The following MPPED1 variants were observed in gnomAD, a reference collection of about 807,000 sequenced individuals.
MPPED1 encodes the protein metallophosphoesterase domain containing 1.
A neutral mutation model predicts 36.2 loss-of-function variants in MPPED1; 16 were observed. That is an observed-to-expected ratio of 0.44 (90% CI 0.30 to 0.67). MPPED1 has a LOEUF of 0.67. MPPED1 is among the 30% of genes least tolerant of loss of function. The pLI, the probability that MPPED1 is intolerant of heterozygous loss-of-function variation, is 0.10. For missense variants in MPPED1, 307 were observed against 453.4 expected (o/e 0.68, Z 2.93); for synonymous variants, 199 against 191.3 (o/e 1.04, Z -0.33).
intron 4 of MPPED1, among the ~76,000 whole-genome samples, chr22:43,492,427 A>G (rs1469519250): frequency 6.6e-6 from 1 of 152,066 alleles, no homozygotes; most frequent in East Asian, 1.9e-4. Flanking sequence ...GACGGTGCCC[A>G]CTAATGGGAT....
In MPPED1 at chr22:43,449,599, C is replaced by T. The variant is rs936871404; in HGVS notation, c.406+14384C>T. Among the ~76,000 whole-genome samples, 5 of 152,240 alleles carry T rather than the reference C, an allele frequency of 3.3e-5. No homozygotes were observed. In the East Asian group the frequency reaches 7.7e-4, roughly 24 times the overall value. On this transcript the variant is annotated intron_variant, in intron 3 of 6. Transcript: ENST00000443721. ...TCGATCCCCTGCTCGGCCCCATCCC[C>T]GCACCCTGGAACTCTTCCACCTGCC...
intron 3 of MPPED1, among the ~76,000 whole-genome samples, chr22:43,446,378 A>T (rs188711177): frequency 2.3e-4 from 35 of 152,256 alleles, no homozygotes; most frequent in Non-Finnish European, 4.3e-4. Context: ...CAGGCTGTGG[A>T]TAAACAGCTG....
chr22:43,441,695 G>T (rs769367995), intron 3 of MPPED1, among the ~76,000 whole-genome samples: 6 of 152,190 alleles, frequency 3.9e-5, no homozygotes, highest in Admixed American at 6.5e-5. Flanking sequence ...TATAAAAGGG[G>T]TCCAAGGATT....
intron 3 of MPPED1, among the ~76,000 whole-genome samples, chr22:43,445,088 T>C (rs893638249): frequency 1.3e-5 from 2 of 152,164 alleles, no homozygotes; most frequent in East Asian, 3.9e-4. Context: ...GCCCTGATTA[T>C]TGGGAGATGT....
intron 4 of MPPED1, among the ~76,000 whole-genome samples, chr22:43,494,973 G>A (rs1015329916): frequency 2.0e-5 from 3 of 152,140 alleles, no homozygotes; most frequent in African/African-American, 7.2e-5. Flanking sequence ...GATCCTATTT[G>A]AGAGGGCTCC....
intron 3 of MPPED1, among the ~76,000 whole-genome samples, chr22:43,454,609 G>C (rs961266334): frequency 9.9e-5 from 15 of 151,838 alleles, no homozygotes; most frequent in Non-Finnish European, 4.4e-5. Flanking sequence ...TAAGTTATAG[G>C]GCTCTATCAT....
At chr22:43,426,322 G>C (rs1419441965) in intron 2 of MPPED1, among the ~76,000 whole-genome samples, 1 of 152,104 alleles carries the variant, frequency 6.6e-6, no homozygotes, top group Non-Finnish European at 1.5e-5. Flanking sequence ...GCCACTCTGG[G>C]TGCCCACCCC....
chr22:43,424,887 G>A (rs964996881), intron 1 of MPPED1, 21 bp from the exon 2 acceptor site: 38 of 1,500,900 alleles, frequency 2.5e-5, no homozygotes, highest in Admixed American at 1.5e-4. Context: ...ACTGTCGCAC[G>A]GTTCTGCTCC....
At chr22:43,433,079 G>C (rs567853169) in intron 2 of MPPED1, among the ~76,000 whole-genome samples, 1 of 152,072 alleles carries the variant, frequency 6.6e-6, no homozygotes, top group Non-Finnish European at 1.5e-5. Flanking sequence ...GGGGCGGCAG[G>C]GTATGTAGGT....
intron 3 of MPPED1, among the ~76,000 whole-genome samples, chr22:43,472,152 T>G (rs564284447): frequency 6.6e-6 from 1 of 152,342 alleles, no homozygotes; most frequent in African/African-American, 2.4e-5. Flanking sequence ...CCAGTTAAAT[T>G]GTATTTATTT....
chr22:43,468,236 G>A (rs1931241754), intron 3 of MPPED1, among the ~76,000 whole-genome samples: 2 of 152,210 alleles, frequency 1.3e-5, no homozygotes, highest in Non-Finnish European at 2.9e-5. Context: ...AGGCATTTGG[G>A]GAAGATGGTC....
At chr22:43,444,244 C>A (rs948145887) in intron 3 of MPPED1, among the ~76,000 whole-genome samples, 8 of 147,992 alleles carry the variant, frequency 5.4e-5, no homozygotes, top group Admixed American at 3.4e-4. Flanking sequence ...CTATTTACAA[C>A]AAAATGGCTT....
At chr22:43,484,174 G>T (rs1477765545) in intron 4 of MPPED1, among the ~76,000 whole-genome samples, 1 of 152,222 alleles carries the variant, frequency 6.6e-6, no homozygotes, top group Non-Finnish European at 1.5e-5. Context: ...CAGTTTGTTT[G>T]GGCAGGTGAG....
In MPPED1 at chr22:43,430,734, C is replaced by CT. The variant is rs1555898383; in HGVS notation, c.225-4291dup. ...GTCACTGAGAAAGAACCATTTTGCA[C>CT]TTTTTTTTTGGGGGGGAGTCACAAA... On this transcript the variant is annotated intron_variant, in intron 2 of 6. Coordinates refer to ENST00000443721, the MANE Select transcript of MPPED1 (RefSeq NM_001044370.2). Among the ~76,000 whole-genome samples, 60 of 151,572 alleles carry CT rather than the reference C, an allele frequency of 4.0e-4. No individual in the cohort carries two copies. In the Middle Eastern group the frequency reaches 0.017, roughly 44 times the overall value.
intron 3 of MPPED1, among the ~76,000 whole-genome samples, chr22:43,464,998 G>A (rs1485050539): frequency 6.6e-6 from 1 of 152,136 alleles, no homozygotes; most frequent in African/African-American, 2.4e-5. Flanking sequence ...CCCTCCGTGG[G>A]CACCCCACCC....
Position 43,505,590 on chromosome 22 carries a change from G to A in MPPED1, c.955G>A (p.Asp319Asn). The A allele has an allele frequency of 6.2e-7, 1 of 1,611,782 alleles. No homozygotes were observed. The highest frequency in any genetic ancestry group is 1.7e-5 in the Admixed American group (1 of 59,800). ...YQPVNPPIVIDLPTPRNS is the reference protein window; with the variant it reads ...YQPVNPPIVINLPTPRNS ...GCCCGTGAACCCGCCCATAGTCATC[G>A]ACCTCCCCACACCCCGGAACTCCTG... The change falls in exon 7 of 7, where the codon GAC becomes AAC. Residue 319 changes from aspartate (D) to asparagine (N), a missense_variant. By Grantham distance (23) the Asp-to-Asn change is conservative (BLOSUM62 1). Around this residue, in one of 3 missense-constraint regions of MPPED1, gnomAD observed 132 missense variants for 212.3 expected, o/e 0.62. Coordinates refer to ENST00000443721, the MANE Select transcript of MPPED1 (RefSeq NM_001044370.2).
chr22:43,480,296 T>C (rs1171741967), intron 4 of MPPED1, among the ~76,000 whole-genome samples: 1 of 152,158 alleles, frequency 6.6e-6, no homozygotes, highest in African/African-American at 2.4e-5. Context: ...CCTGTGACTG[T>C]TGGCATCCTC....
chr22:43,442,883 T>C (rs1601962513), intron 3 of MPPED1, among the ~76,000 whole-genome samples: 1 of 152,016 alleles, frequency 6.6e-6, no homozygotes, highest in Non-Finnish European at 1.5e-5. Flanking sequence ...GGTTAGTAGA[T>C]CTCTCGCCTC....
At chr22:43,481,453 A>C (rs1931747316) in intron 4 of MPPED1, among the ~76,000 whole-genome samples, 1 of 152,200 alleles carries the variant, frequency 6.6e-6, no homozygotes, top group Admixed American at 6.5e-5. Flanking sequence ...GCAGGGACCC[A>C]GATCTCTCTT....
Sources: gnomAD v4.1 joint callset for allele counts (sites outside exome capture counted in the v4.1 genomes callset) on GRCh38, gnomAD v4.1.1 for gene constraint, gnomAD v4.1.1 regional missense constraint, MANE v1.5 for transcripts, NCBI Gene and HGNC (gene_info 2026-07-23, HGNC 2026-07-21) for gene names.